HTR7: variants seen among roughly 807,000 people sequenced by gnomAD.
HTR7 encodes the protein 5-hydroxytryptamine receptor 7, also known as 5-HT-7.
HTR7 carries 16 observed loss-of-function variants against 34.0 expected under a neutral mutation model. That is an observed-to-expected ratio of 0.47 (90% CI 0.32 to 0.71). The LOEUF is 0.71. HTR7 is among the 30% of genes least tolerant of loss of function. HTR7 has a pLI of 0.04. For missense variants in HTR7, 504 were observed against 625.5 expected, an observed-to-expected ratio of 0.81 and a Z score of 2.07; for synonymous variants, 265 against 260.2, an observed-to-expected ratio of 1.02 and a Z score of -0.18.
intron 1 of HTR7, among the ~76,000 whole-genome samples, chr10:90,755,960 T>G (rs1844828019): frequency 6.6e-6 from 1 of 152,154 alleles, no homozygotes; most frequent in East Asian, 1.9e-4. Flanking sequence ...TCTACAGAAG[T>G]AAAATTAGTA....
At chr10:90,850,309 C>T (rs1436096516) in intron 1 of HTR7, among the ~76,000 whole-genome samples, 2 of 152,232 alleles carry the variant, frequency 1.3e-5, no homozygotes, top group Non-Finnish European at 1.5e-5. Context: ...AAGGCTACAT[C>T]CTAGAAAGAG....
chr10:90,742,258 G>C lies in HTR7; in HGVS notation c.*224C>G. On this transcript the variant is annotated 3_prime_UTR_variant, in exon 4 of 4. Coordinates refer to ENST00000336152, the MANE Select transcript of HTR7 (RefSeq NM_019859.4). Reference sequence around the variant, plus strand: ...GGTGTGCTTACTGCTGAGATGATCTGCTATCTTAAACTGAGAACACACAAT... The same window carrying C: ...GGTGTGCTTACTGCTGAGATGATCTCCTATCTTAAACTGAGAACACACAAT... 1 of 367,986 alleles carries C rather than the reference G, an allele frequency of 2.7e-6. No homozygotes were observed. The highest frequency in any genetic ancestry group is 4.9e-6 in the Non-Finnish European group (1 of 203,560). 22.8% of individuals were successfully genotyped at this position (367,986 alleles called of 1,614,324 possible).
intron 1 of HTR7, among the ~76,000 whole-genome samples, chr10:90,808,369 G>A (rs1177918038): frequency 6.6e-6 from 1 of 150,386 alleles, no homozygotes; most frequent in African/African-American, 2.5e-5. Flanking sequence ...CCTCTTCTCC[G>A]CCTTTCTGGG....
intron 1 of HTR7, among the ~76,000 whole-genome samples, chr10:90,840,221 CCT>C (rs1205380794): frequency 2.1e-5 from 3 of 140,192 alleles, no homozygotes; most frequent in Admixed American, 1.4e-4. Context: ...ACACATCTGG[CCT>C]CTCTGTTAGA....
chr10:90,773,029 A>T (rs753703031), intron 1 of HTR7, among the ~76,000 whole-genome samples: 8 of 152,240 alleles, frequency 5.3e-5, no homozygotes, highest in Non-Finnish European at 1.0e-4. Flanking sequence ...TCATTTACAA[A>T]GTATATCCAT....
chr10:90,784,132 A>T (rs1845347216), intron 1 of HTR7, among the ~76,000 whole-genome samples: 1 of 152,200 alleles, frequency 6.6e-6, no homozygotes, highest in Non-Finnish European at 1.5e-5. Context: ...AAACTCTCTA[A>T]TCATGATGCC....
At chr10:90,847,232 G>A (rs562320731) in intron 1 of HTR7, among the ~76,000 whole-genome samples, 399 of 152,174 alleles carry the variant, frequency 2.6e-3, no homozygotes, top group African/African-American at 9.0e-3. Context: ...TGTTGTAGAG[G>A]GGATCAGTGG....
intron 2 of HTR7, among the ~76,000 whole-genome samples, chr10:90,745,947 C>T (rs1844626966): frequency 6.6e-6 from 1 of 152,154 alleles, no homozygotes; most frequent in South Asian, 2.1e-4. Context: ...ACACCCAAGC[C>T]TCCAGACTAG....
At chr10:90,810,624 T>G (rs1038780508) in intron 1 of HTR7, among the ~76,000 whole-genome samples, 2 of 152,162 alleles carry the variant, frequency 1.3e-5, no homozygotes, top group Non-Finnish European at 2.9e-5. Flanking sequence ...CCATATACTC[T>G]CCTATCCTCA....
At chr10:90,775,204 G>A (rs917853773) in intron 1 of HTR7, among the ~76,000 whole-genome samples, 5 of 152,196 alleles carry the variant, frequency 3.3e-5, no homozygotes, top group South Asian at 4.1e-4. Context: ...TATTGAAGTC[G>A]AGGGCCTACT....
At position 90,749,232 on chromosome 10, in the gene HTR7, T is replaced by C; in HGVS notation, c.902A>G (p.Glu301Gly). 1 of 1,614,116 alleles carries C rather than the reference T, an allele frequency of 6.2e-7. No homozygotes were observed. The highest frequency in any genetic ancestry group is 8.5e-7 in the Non-Finnish European group (1 of 1,179,994). The change falls in exon 2 of 4, where the codon GAG becomes GGG. Residue 301 changes from glutamate (E) to glycine (G), a missense_variant. Glu to Gly is a moderately conservative substitution (Grantham distance 98). Coordinates refer to ENST00000336152, the MANE Select transcript of HTR7 (RefSeq NM_019859.4). This position sits in a 1 kb window ranked among gnomAD's most constrained non-coding sequence, Gnocchi z 4.2. ...GIVKLQKEVE[E>G]CANLSRLLKH... ...GAGGAGTCTCGAAAGGTTTGCACACTCTTCCACCTCCTTCTGGAGCTTCAC... is the reference window on the plus strand; with the variant it reads ...GAGGAGTCTCGAAAGGTTTGCACACCCTTCCACCTCCTTCTGGAGCTTCAC...
intron 1 of HTR7, among the ~76,000 whole-genome samples, chr10:90,782,484 T>C (rs78472578): frequency 0.28 from 42,460 of 151,954 alleles, 6,495 homozygotes; most frequent in African/African-American, 0.41. Flanking sequence ...AATGATGAAG[T>C]TAAATCTCTT....
At chr10:90,846,911 C>T (rs1290560662) in intron 1 of HTR7, among the ~76,000 whole-genome samples, 1 of 152,154 alleles carries the variant, frequency 6.6e-6, no homozygotes, top group Non-Finnish European at 1.5e-5. Flanking sequence ...TTGACTTGTG[C>T]TTCTCCTATG....
At chr10:90,759,229 T>C (rs1844892719) in intron 1 of HTR7, among the ~76,000 whole-genome samples, 1 of 151,166 alleles carries the variant, frequency 6.6e-6, no homozygotes, top group African/African-American at 2.4e-5. Flanking sequence ...ATGCCTGTTA[T>C]CTAAGATTAT....
chr10:90,762,265 G>T (rs1160273944), intron 1 of HTR7, among the ~76,000 whole-genome samples: 1 of 152,184 alleles, frequency 6.6e-6, no homozygotes, highest in Non-Finnish European at 1.5e-5. Context: ...GTGCATAGGG[G>T]TTCCCTTTTC....
At chr10:90,760,058 C>G (rs904048326) in intron 1 of HTR7, among the ~76,000 whole-genome samples, 1 of 152,198 alleles carries the variant, frequency 6.6e-6, no homozygotes, top group Non-Finnish European at 1.5e-5. Context: ...ACATCTGCAT[C>G]CCCACGTTTA....
At chr10:90,750,750 T>C (rs1043947974) in intron 1 of HTR7, among the ~76,000 whole-genome samples, 2 of 152,200 alleles carry the variant, frequency 1.3e-5, no homozygotes, top group Admixed American at 6.5e-5. Context: ...AATACTTAAA[T>C]TATCCCACAA....
rs1477741577 is a variant in HTR7, at chr10:90,857,239, C to G, written c.433G>C (p.Gly145Arg). 6.2e-7 allele frequency: 1 copy of G among 1,614,160 alleles called. No individual in the cohort carries two copies. Among genetic ancestry groups the G allele is most frequent in the South Asian group, 1.1e-5 (1 of 91,078 alleles). The change falls in exon 1 of 4, where the codon GGG (glycine) becomes CGG (arginine). Residue 145 changes from glycine to arginine, a missense_variant. This residue lies in a region of HTR7 where 154 missense variants were observed against 248.8 expected (regional missense o/e 0.62). Coordinates refer to ENST00000336152, the MANE Select transcript of HTR7 (RefSeq NM_019859.4). The surrounding 1 kb of genome is among the most constrained non-coding windows in gnomAD (Gnocchi z 6.5). Reference sequence around the variant, plus strand: ...AAGTGTCCAAAGATCCACTTGCCCCCGATGAGGTCGGTGACGCTGACGAAG... The same window carrying G: ...AAGTGTCCAAAGATCCACTTGCCCCGGATGAGGTCGGTGACGCTGACGAAG... ...MPFVSVTDLI[G>R]GKWIFGHFFC...
Position 90,816,648 on chromosome 10 carries a change from T to C in HTR7, c.539+40485A>G, listed in dbSNP as rs1264867556. 2.0e-5 allele frequency among the ~76,000 whole-genome samples: 3 copies of C among 152,224 alleles called. No homozygotes were observed. In the East Asian group the frequency reaches 5.8e-4, roughly 29 times the overall value. ...TATTTCCCCATTGTTTCACTTCGTC[T>C]GAGAAAACTGAAGTTGCGGTGTTTT... On this transcript the variant is annotated intron_variant, in intron 1 of 3. Transcript: ENST00000336152.
Sources: allele counts gnomAD v4.1 joint callset (sites outside exome capture counted in the v4.1 genomes callset), GRCh38; gene constraint gnomAD v4.1.1; regional missense constraint gnomAD v4.1.1; non-coding constraint Gnocchi (gnomAD v3.1); transcripts MANE v1.5; gene names NCBI Gene and HGNC (gene_info 2026-07-23, HGNC 2026-07-21).